KCNG2: variants seen among roughly 807,000 people sequenced by gnomAD.
The protein encoded by KCNG2 is voltage-gated potassium channel regulatory subunit KCNG2.
In KCNG2, 7 loss-of-function variants were observed where a neutral mutation model predicts 12.3. The ratio of observed to expected loss-of-function variants is 0.57; its 90% CI spans 0.32 to 1.07. KCNG2 has a LOEUF of 1.07. KCNG2 is among the 50% of genes least tolerant of loss of function. The pLI is 0.04. For synonymous variants in KCNG2, 414 were observed against 351.4 expected (o/e 1.18, Z -1.99); for missense variants, 703 against 726.0 (o/e 0.97, Z 0.36).
At chr18:79,821,285 AAT>A (rs1491547707) in intron 1 of KCNG2, among the ~76,000 whole-genome samples, 1 of 103,310 alleles carries the variant, frequency 9.7e-6, no homozygotes, top group Non-Finnish European at 1.8e-5. Flanking sequence ...TTTTTACTTG[AAT>A]TTTTTTTTTT....
chr18:79,802,650 C>T (rs970572146), intron 1 of KCNG2, among the ~76,000 whole-genome samples: 1 of 152,214 alleles, frequency 6.6e-6, no homozygotes, highest in Non-Finnish European at 1.5e-5. Context: ...CTGAGCCACC[C>T]CCAACCTGGC....
chr18:79,849,220 G>A (rs1338644108), intron 1 of KCNG2, among the ~76,000 whole-genome samples: 1 of 152,182 alleles, frequency 6.6e-6, no homozygotes, highest in Non-Finnish European at 1.5e-5. Flanking sequence ...CCCCAGAGGG[G>A]CCTCCGAGCG....
chr18:79,830,863 C>T, intron 1 of KCNG2, among the ~76,000 whole-genome samples: 1 of 132,066 alleles, frequency 7.6e-6, no homozygotes, highest in African/African-American at 3.1e-5. Flanking sequence ...GAGCCTTCGT[C>T]AGGAGGGTTC....
chr18:79,872,286 T>TTTTTTTG (rs1979872215), intron 3 of KCNG2, among the ~76,000 whole-genome samples: 1 of 100,520 alleles, frequency 9.9e-6, no homozygotes, highest in East Asian at 3.2e-4. Flanking sequence ...TTCAGTTTTT[T>TTTTTTTG]TTTTTTTTTT....
At chr18:79,873,426 T>TC (rs138533244) in intron 3 of KCNG2, among the ~76,000 whole-genome samples, 4,835 of 86,350 alleles carry the variant, frequency 0.056, 411 homozygotes, top group South Asian at 0.23. Flanking sequence ...CCGGCCCCCC[T>TC]CCCCCCCCCC....
intron 1 of KCNG2, among the ~76,000 whole-genome samples, chr18:79,815,155 A>AT (rs2087519832): frequency 6.6e-6 from 1 of 152,188 alleles, no homozygotes; most frequent in Admixed American, 6.5e-5. Context: ...CAAAATGCTT[A>AT]TATCCAGGCA....
chr18:79,875,368 C>T (rs1338615351), intron 3 of KCNG2, among the ~76,000 whole-genome samples: 2 of 152,122 alleles, frequency 1.3e-5, no homozygotes, highest in East Asian at 1.9e-4. Context: ...CTTGGTCTAG[C>T]ACCACCGAGC....
Position 79,899,345 on chromosome 18 carries a change from G to T in KCNG2, c.930G>T (p.Ser310=). 1 of 1,553,458 alleles carries T rather than the reference G, an allele frequency of 6.4e-7. No homozygotes were observed. The highest frequency in any genetic ancestry group is 2.4e-5 in the East Asian group (1 of 41,910). Residue 310 remains serine, a synonymous_variant, in exon 4 of 4, where the codon TCG becomes TCT. Transcript: ENST00000316249. ...CGCGCCACTCGCTGGGGCTGCGTTC[G>T]CTGGGCCTGACCATGCGCCGCTGCG... ...RLARHSLGLR[S]LGLTMRRCAR... is the part of the protein sequence containing the mutation.
Position 79,800,289 on chromosome 18 carries a change from C to G in KCNG2, c.-115+2275C>G, listed in dbSNP as rs898722988. 6.6e-6 allele frequency among the ~76,000 whole-genome samples: 1 copy of G among 151,984 alleles called. No homozygotes were observed. Among genetic ancestry groups the G allele is most frequent in the African/African-American group, 2.4e-5 (1 of 41,372 alleles). On this transcript the variant is annotated intron_variant, in intron 1 of 3. Coordinates refer to ENST00000316249, the MANE Select transcript of KCNG2 (RefSeq NM_012283.2). This position sits in a 1 kb window ranked among gnomAD's most constrained non-coding sequence, Gnocchi z 4.0. Reference sequence around the variant, plus strand: ...TGTGTCTGAGTACTGCGCGCCTGTCCACGGATGGGTAATTTTGTAATGAAT... The same window carrying G: ...TGTGTCTGAGTACTGCGCGCCTGTCGACGGATGGGTAATTTTGTAATGAAT...
chr18:79,864,952 G>A (rs1273652371), intron 3 of KCNG2, among the ~76,000 whole-genome samples: 3 of 134,282 alleles, frequency 2.2e-5, no homozygotes, highest in African/African-American at 7.7e-5. Flanking sequence ...TGGGTGCTGA[G>A]TTCTGTGTGC....
intron 1 of KCNG2, among the ~76,000 whole-genome samples, chr18:79,824,930 CTTATTA>C: frequency 6.6e-6 from 1 of 152,098 alleles, no homozygotes; most frequent in South Asian, 2.1e-4. Flanking sequence ...TTTCTTTCTT[CTTATTA>C]TATTTGGTTT....
chr18:79,873,367 TC>T (rs887253196), intron 3 of KCNG2, among the ~76,000 whole-genome samples: 10 of 146,010 alleles, frequency 6.8e-5, no homozygotes, highest in Non-Finnish European at 1.1e-4. Context: ...TCCCCCACAC[TC>T]CCGTTCCCTC....
intron 1 of KCNG2, among the ~76,000 whole-genome samples, chr18:79,817,619 G>A (rs1297595519): frequency 3.9e-5 from 6 of 152,166 alleles, no homozygotes; most frequent in Admixed American, 1.3e-4. Flanking sequence ...TCACACACGC[G>A]GGTTGTCACA....
At chr18:79,842,331 G>T (rs1219674016) in intron 1 of KCNG2, among the ~76,000 whole-genome samples, 2 of 152,192 alleles carry the variant, frequency 1.3e-5, no homozygotes, top group African/African-American at 4.8e-5. Context: ...CCCTTGCCCA[G>T]ATAATCTCTG....
intron 1 of KCNG2, among the ~76,000 whole-genome samples, chr18:79,829,298 C>CTG (rs752927571): frequency 6.6e-6 from 1 of 150,376 alleles, no homozygotes; most frequent in Non-Finnish European, 1.5e-5. Flanking sequence ...CTGCATGTAT[C>CTG]TGTGTGTGTG....
Position 79,899,155 on chromosome 18 carries a change from T to C in KCNG2, c.740T>C (p.Leu247Pro). 2 of 1,607,106 alleles carry C rather than the reference T, an allele frequency of 1.2e-6. No homozygotes were observed. The highest frequency in any genetic ancestry group is 1.7e-6 in the Non-Finnish European group (2 of 1,179,628). The change falls in exon 4 of 4, where the codon CTG becomes CCG. Residue 247 changes from leucine to proline, a missense_variant. By Grantham distance (98) the Leu-to-Pro change is moderately conservative. Transcript: ENST00000316249. ...CAGGCCGAGAGCAAGTGCGCCTTCC[T>C]GCGCGCGCCACTCAACATCATTGAC... ...SLQAESKCAFLRAPLNIIDIL... is the reference protein window; with the variant it reads ...SLQAESKCAFPRAPLNIIDIL...
At position 79,884,216 on chromosome 18, in the gene KCNG2, C is replaced by T. The variant is rs1025231643; in HGVS notation, c.625-14824C>T. Among the ~76,000 whole-genome samples, 4 of 152,110 alleles carry T rather than the reference C, an allele frequency of 2.6e-5. No homozygotes were observed. The highest frequency in any genetic ancestry group is 9.7e-5 in the African/African-American group (4 of 41,432). ...CTGCAGGGGCTCCGTCCCCATGCCC[C>T]TCCCCATGCCCCATGTCCCTGTTCT... On this transcript the variant is annotated intron_variant, in intron 3 of 3. Transcript: ENST00000316249. This position sits in a 1 kb window ranked among gnomAD's most constrained non-coding sequence, Gnocchi z 5.5.
intron 1 of KCNG2, among the ~76,000 whole-genome samples, chr18:79,832,447 TCATCCTCACCTGTCCGTCTTCACCTGCC>T (rs1202514753): frequency 7.4e-6 from 1 of 134,934 alleles, no homozygotes; most frequent in Non-Finnish European, 1.6e-5. Context: ...CCTTACCTGC[TCATCCTCACCTGTCCGTCTTCACCTGCC>T]CATCCTCACC....
intron 1 of KCNG2, among the ~76,000 whole-genome samples, chr18:79,815,783 T>A (rs1377998895): frequency 6.6e-6 from 1 of 152,222 alleles, no homozygotes; most frequent in Non-Finnish European, 1.5e-5. Context: ...TGTCCCCTGC[T>A]CCCTGAAGCA....
Sources: allele counts gnomAD v4.1 joint callset (sites outside exome capture counted in the v4.1 genomes callset), GRCh38; gene constraint gnomAD v4.1.1; non-coding constraint Gnocchi (gnomAD v3.1); transcripts MANE v1.5; gene names NCBI Gene and HGNC (gene_info 2026-07-23, HGNC 2026-07-21).